The following PHB2 variants were observed in gnomAD, a reference collection of about 807,000 sequenced individuals.
The protein encoded by PHB2 is prohibitin-2.
In PHB2, 22 loss-of-function variants were observed where a neutral mutation model predicts 46.4. The ratio of observed to expected loss-of-function variants is 0.47; its 90% CI spans 0.34 to 0.68. PHB2 has a LOEUF of 0.68. PHB2 is among the 30% of genes least tolerant of loss of function. PHB2 has a pLI of 0.01. For synonymous variants in PHB2, 156 were observed against 150.5 expected (o/e 1.04, Z -0.27); for missense variants, 305 against 382.8 (o/e 0.80, Z 1.70).
At chr12:6,966,904 C>A (rs1056218670) in intron 7 of PHB2, among the ~76,000 whole-genome samples, 1 of 152,178 alleles carries the variant, frequency 6.6e-6, no homozygotes, top group African/African-American at 2.4e-5. Flanking sequence ...GCCACCACAG[C>A]GGGCTCATTA....
At position 6,967,489 on chromosome 12, in the gene PHB2, G is replaced by A; in HGVS notation, c.711+187C>T. On this transcript the variant is annotated intron_variant, in intron 6 of 9. Coordinates refer to ENST00000535923, the MANE Select transcript of PHB2 (RefSeq NM_001144831.2). The surrounding 1 kb of genome is among the most constrained non-coding windows in gnomAD (Gnocchi z 4.9). ...GCTATTGATCTGGCCTTACAGTGGG[G>A]AGTCATGGCTCAGGTACTACCACTA... 4.2e-6 allele frequency: 4 copies of A among 946,328 alleles called. No homozygotes were observed. The highest frequency in any genetic ancestry group is 2.4e-5 in the East Asian group (1 of 41,928). 58.6% of individuals were successfully genotyped at this position (946,328 alleles called of 1,614,324 possible).
chr12:6,970,113 C>G lies in PHB2; in HGVS notation c.212+83G>C, dbSNP rs1555151768. The G allele has an allele frequency of 3.0e-6, 3 of 1,013,636 alleles. No individual in the cohort carries two copies. In the African/African-American group the frequency reaches 4.7e-5, roughly 16 times the overall value. The allele number at this position is 1,013,636 out of a possible 1,614,324, so 62.8% of individuals were successfully genotyped here. Reference sequence around the variant, plus strand: ...GGGTGGGAAAAGAGCAGCGTTGAATCCTGTTGCACGTCCGACTATAGCCAC... The same window carrying G: ...GGGTGGGAAAAGAGCAGCGTTGAATGCTGTTGCACGTCCGACTATAGCCAC... On this transcript the variant is annotated intron_variant, in intron 2 of 9. Transcript: ENST00000535923.
chr12:6,970,746 C>T (rs1946311491), upstream of PHB2: 9 of 926,378 alleles, frequency 9.7e-6, no homozygotes, highest in Non-Finnish European at 1.4e-5. Context: ...AGGAATCGCG[C>T]ATACGGAAGT....
At chr12:6,966,566 T>G (rs1778486397) in intron 7 of PHB2, 66 bp from the exon 8 acceptor site, 1 of 964,752 alleles carries the variant, frequency 1.0e-6, no homozygotes, top group African/African-American at 1.6e-5. Flanking sequence ...CCCCTGCAAT[T>G]CAGCAGCTAC....
chr12:6,966,037 G>C (rs1946206785), intron 8 of PHB2, 121 bp from the exon 9 acceptor site: 1 of 1,063,832 alleles, frequency 9.4e-7, no homozygotes, highest in African/African-American at 1.6e-5. Context: ...AAGATAAACA[G>C]GGTTGACAGC....
intron 4 of PHB2, 73 bp from the exon 5 acceptor site, chr12:6,968,094 C>A: frequency 7.3e-7 from 1 of 1,364,412 alleles, no homozygotes; most frequent in Non-Finnish European, 1.0e-6. Flanking sequence ...AAGGTTGCGA[C>A]CCCTAACCCT....
chr12:6,970,430 T>A lies in PHB2; in HGVS notation c.114A>T (p.Glu38Asp), dbSNP rs1354438643. The change falls in exon 1 of 10, where the codon GAA becomes GAT. Residue 38 changes from glutamate (E) to aspartate (D), a missense_variant. By Grantham distance (45) the Glu-to-Asp change is conservative. Coordinates refer to ENST00000535923, the MANE Select transcript of PHB2 (RefSeq NM_001144831.2). ...GAGAVAYGVR[E>D]SVFTVEGGHR... ...GAGGTTGCTCACCGGTGAACACAGATTCGCGCACACCGTAGGCCACGGCGC... is the reference window on the plus strand; with the variant it reads ...GAGGTTGCTCACCGGTGAACACAGAATCGCGCACACCGTAGGCCACGGCGC... 1 of 1,604,038 alleles carries A rather than the reference T, an allele frequency of 6.2e-7. No individual in the cohort carries two copies. Among genetic ancestry groups the A allele is most frequent in the Admixed American group, 1.7e-5 (1 of 59,998 alleles).
intron 3 of PHB2, among the ~76,000 whole-genome samples, chr12:6,968,874 G>A (rs183973568): frequency 2.0e-5 from 3 of 152,294 alleles, no homozygotes; most frequent in Middle Eastern, 6.8e-3. Flanking sequence ...GGGCGCTTTC[G>A]TGCTGTACCG....
chr12:6,965,786 TC>T, intron 9 of PHB2, 74 bp from the exon 10 acceptor site: 1 of 1,547,242 alleles, frequency 6.5e-7, no homozygotes, highest in East Asian at 2.3e-5. Flanking sequence ...TCTAGGCCAT[TC>T]CCTCTACGAC....
intron 3 of PHB2, among the ~76,000 whole-genome samples, chr12:6,969,024 C>G (rs1565590797): frequency 6.6e-6 from 1 of 152,158 alleles, no homozygotes; most frequent in African/African-American, 2.4e-5. Flanking sequence ...TACAGGTGAG[C>G]TACCTGACCC....
intron 4 of PHB2, among the ~76,000 whole-genome samples, 159 bp from the exon 5 acceptor site, chr12:6,968,180 G>C (rs1488815019): frequency 6.6e-5 from 10 of 152,218 alleles, no homozygotes; most frequent in Non-Finnish European, 1.0e-4. Context: ...TGCTCGAAGA[G>C]GTGCAGGAAA....
In PHB2 at chr12:6,968,604, G is replaced by C; in HGVS notation, c.293-9C>G. 6.2e-7 allele frequency: 1 copy of C among 1,612,174 alleles called. No individual in the cohort carries two copies. On this transcript the variant is annotated splice_polypyrimidine_tract_variant and intron_variant, in intron 3 of 9. Transcript: ENST00000535923. ...ATTCACCATCTGTAGGTCTGAGATT[G>C]AGGTCAGCAGTGGCTGGTCAAGGCC...
rs1555151157 is a variant in PHB2 at position 6,967,892 on chromosome 12, C to A, written c.607G>T (p.Ala203Ser). The A allele has an allele frequency of 6.2e-7, 1 of 1,613,596 alleles. No individual in the cohort carries two copies. Among genetic ancestry groups the A allele is most frequent in the Admixed American group, 1.7e-5 (1 of 59,990 alleles). ...TCACCCCACGGCTCTTGCGACTCAC[C>A]CACTTGTTTGGCTTCTACAGCAGCT... ...YTAAVEAKQVAQQEAQRAQFL... is the reference protein window; with the variant it reads ...YTAAVEAKQVSQQEAQRAQFL... Residue 203 changes from alanine to serine, a missense_variant and splice_region_variant, in exon 5 of 10, where the codon GCC becomes TCC. Ala to Ser is a moderately conservative substitution (Grantham distance 99). Around this residue, in one of 3 missense-constraint regions of PHB2, gnomAD observed 241 missense variants for 302.7 expected, o/e 0.80. Transcript: ENST00000535923. The surrounding 1 kb of genome is among the most constrained non-coding windows in gnomAD (Gnocchi z 4.9).
chr12:6,965,483 C>T lies in PHB2; in HGVS notation c.*202G>A. The T allele has an allele frequency of 4.8e-6, 3 of 623,814 alleles. No individual in the cohort carries two copies. The highest frequency in any genetic ancestry group is 8.6e-6 in the Non-Finnish European group (3 of 347,558). 38.6% of individuals were successfully genotyped at this position (623,814 alleles called of 1,614,324 possible). ...CACTGTCCCCAACAGCCCCAGTTAA[C>T]ACAGGGAGGAGGAAAGTAATTCCCC... On this transcript the variant is annotated 3_prime_UTR_variant, in exon 10 of 10. Transcript: ENST00000535923.
Position 6,965,835 on chromosome 12 carries a change from G to A in PHB2, c.872+76C>T, listed in dbSNP as rs781940660. ...ATTGAGGGTTTGTCTTCGGGGAGGT[G>A]GGAAAGGGGGTAGGGTAGGAGGCGG... On this transcript the variant is annotated intron_variant, in intron 9 of 9. Coordinates refer to ENST00000535923, the MANE Select transcript of PHB2 (RefSeq NM_001144831.2). The A allele has an allele frequency of 2.5e-6, 4 of 1,582,070 alleles. 1 individual carries two copies. The highest frequency in any genetic ancestry group is 2.6e-6 in the Non-Finnish European group (3 of 1,159,994).
Position 6,965,598 on chromosome 12 carries a change from A to T in PHB2, c.*87T>A, listed in dbSNP as rs1946198497. ...CCATCGCATGATACTGGGGCGGGGT[A>T]GGGCTGTGCTGGACCCCTGGCTGGC... On this transcript the variant is annotated 3_prime_UTR_variant, in exon 10 of 10. Coordinates refer to ENST00000535923, the MANE Select transcript of PHB2 (RefSeq NM_001144831.2). 4.9e-6 allele frequency: 5 copies of T among 1,014,974 alleles called. No individual in the cohort carries two copies. The highest frequency in any genetic ancestry group is 7.7e-6 in the Non-Finnish European group (5 of 650,212). The allele number at this position is 1,014,974 out of a possible 1,614,324, so 62.9% of individuals were successfully genotyped here. A position where few individuals can be genotyped will look rare whatever the true frequency, so the allele number is the denominator to read the frequency against.
chr12:6,966,689 G>A (rs1946216280), intron 7 of PHB2, among the ~76,000 whole-genome samples, 189 bp from the exon 8 acceptor site: 1 of 152,180 alleles, frequency 6.6e-6, no homozygotes. Flanking sequence ...TAGAACAAAA[G>A]GTCAGGGAAC....
At chr12:6,966,523 G>A in intron 7 of PHB2, 23 bp from the exon 8 acceptor site, 1 of 1,505,972 alleles carries the variant, frequency 6.6e-7, no homozygotes, top group Non-Finnish European at 9.2e-7. Flanking sequence ...AAATAAGACA[G>A]ATGCTTGCAT....
chr12:6,967,769 C>T lies in PHB2; in HGVS notation c.618G>A (p.Glu206=). Residue 206 remains glutamate (E), a synonymous_variant, in exon 6 of 10, where the codon GAG becomes GAA. Coordinates refer to ENST00000535923, the MANE Select transcript of PHB2 (RefSeq NM_001144831.2). This position sits in a 1 kb window ranked among gnomAD's most constrained non-coding sequence, Gnocchi z 4.9. ...CTACCAAGAATTGGGCCCGCTGGGC[C>T]TCCTGCTGGGCTGTGGTGGGAGAGA... The part of the protein sequence containing the change: ...AVEAKQVAQQ[E]AQRAQFLVEK... 2 of 1,613,180 alleles carry T rather than the reference C, an allele frequency of 1.2e-6. No homozygotes were observed. The highest frequency in any genetic ancestry group is 8.5e-7 in the Non-Finnish European group (1 of 1,179,506).
Sources: gnomAD v4.1 joint callset for allele counts (sites outside exome capture counted in the v4.1 genomes callset) on GRCh38, gnomAD v4.1.1 for gene constraint, gnomAD v4.1.1 regional missense constraint, Gnocchi (gnomAD v3.1) non-coding constraint, MANE v1.5 for transcripts, NCBI Gene and HGNC (gene_info 2026-07-23, HGNC 2026-07-21) for gene names.